The following FRMPD4 variants were observed in gnomAD, a reference collection of about 807,000 sequenced individuals.
FRMPD4 encodes FERM and PDZ domain-containing protein 4.
A neutral mutation model predicts 94.1 loss-of-function variants in FRMPD4; 22 were observed. The ratio of observed to expected loss-of-function variants is 0.23; its 90% CI spans 0.17 to 0.33. The LOEUF is 0.33. FRMPD4 is among the 10% of genes least tolerant of loss of function. The pLI is 1.00. For synonymous variants in FRMPD4, 631 were observed against 548.6 expected (o/e 1.15, Z -2.10); for missense variants, 1,111 against 1,339.9 (o/e 0.83, Z 2.67).
At chrX:12,030,214 C>T (rs1172080615) in intron 3 of FRMPD4, among the ~76,000 whole-genome samples, 2 of 111,944 alleles carry the variant, frequency 1.8e-5, no homozygotes, top group African/African-American at 6.5e-5. Flanking sequence ...CATCTCAAAG[C>T]AAAAGGTTTT....
At chrX:12,234,575 C>T (rs951678251) in intron 1 of FRMPD4, among the ~76,000 whole-genome samples, 16 of 111,728 alleles carry the variant, frequency 1.4e-4, no homozygotes, top group Non-Finnish European at 2.8e-4. Flanking sequence ...TTGGGTTTCT[C>T]CTACTGCACT....
At chrX:11,854,534 TGG>T (rs1377743272) in intron 1 of FRMPD4, among the ~76,000 whole-genome samples, 1 of 112,042 alleles carries the variant, frequency 8.9e-6, no homozygotes, top group Non-Finnish European at 1.9e-5. Context: ...CTAGATACAA[TGG>T]GGGTATAGGC....
At chrX:12,198,853 G>A (rs1466722016) in intron 1 of FRMPD4, among the ~76,000 whole-genome samples, 4 of 112,178 alleles carry the variant, frequency 3.6e-5, no homozygotes, top group Admixed American at 9.4e-5. Flanking sequence ...GAAAAAGAAC[G>A]TAGAAAGGAC....
chrX:12,574,975 T>C (rs1226033083), intron 2 of FRMPD4, among the ~76,000 whole-genome samples: 1 of 111,687 alleles, frequency 9.0e-6, no homozygotes, highest in Non-Finnish European at 1.9e-5. Context: ...AAGACTAGTC[T>C]CCCTTCCTGA....
intron 3 of FRMPD4, among the ~76,000 whole-genome samples, chrX:11,942,491 TA>T (rs1201882086): frequency 1.8e-5 from 2 of 111,651 alleles, no homozygotes; most frequent in Non-Finnish European, 3.8e-5. Flanking sequence ...CTAGTTGTAG[TA>T]AAATTAAGGG....
At chrX:12,603,250 C>T (rs368753183) in intron 2 of FRMPD4, among the ~76,000 whole-genome samples, 1 of 112,157 alleles carries the variant, frequency 8.9e-6, no homozygotes, top group South Asian at 3.8e-4. Context: ...CTTTAACCTC[C>T]GCACCAAAGG....
chrX:12,142,934 T>G (rs1009412446), intron 1 of FRMPD4, among the ~76,000 whole-genome samples: 4 of 112,317 alleles, frequency 3.6e-5, no homozygotes, highest in African/African-American at 1.3e-4. Context: ...TCCTTCCAGC[T>G]GTTCATTCTC....
chrX:12,239,799 A>C (rs2057108722), intron 1 of FRMPD4, among the ~76,000 whole-genome samples: 1 of 111,961 alleles, frequency 8.9e-6, no homozygotes, highest in Non-Finnish European at 1.9e-5. Context: ...CTCACAGATA[A>C]GCATCTTCTC....
At chrX:12,069,166 C>T (rs2054945527) in intron 3 of FRMPD4, among the ~76,000 whole-genome samples, 1 of 111,443 alleles carries the variant, frequency 9.0e-6, no homozygotes, top group Admixed American at 9.6e-5. Context: ...GATCCTTGAG[C>T]CAGGAGGATG....
chrX:12,632,907 G>A (rs994613822), intron 4 of FRMPD4, among the ~76,000 whole-genome samples: 2 of 112,327 alleles, frequency 1.8e-5, no homozygotes, highest in Non-Finnish European at 3.8e-5. Context: ...TTTTGCTAGC[G>A]TGTTTTTTCA....
intron 1 of FRMPD4, among the ~76,000 whole-genome samples, chrX:12,342,715 G>T (rs1274256645): frequency 1.8e-5 from 2 of 112,339 alleles, no homozygotes; most frequent in African/African-American, 6.5e-5. Context: ...AAGGAGTTAA[G>T]GGTCACTTTA....
Position 12,720,933 on chromosome X carries a change from G to T in FRMPD4, c.4364G>T (p.Ser1455Ile), listed in dbSNP as rs1256472715. The T allele has an allele frequency of 8.7e-6, 7 of 805,293 alleles. No individual in the cohort carries two copies. The highest frequency in any genetic ancestry group is 6.9e-5 in the Admixed American group (1 of 14,473). 66.4% of individuals were successfully genotyped at this position (805,293 alleles called of 1,213,427 possible). A position where few individuals can be genotyped will look rare whatever the true frequency, so the allele number is the denominator to read the frequency against. ...CCCCTGGGGAGGAAGCTCACCAAAAGTTTTTCCCAAAGCTCAATGCACTTG... is the reference window on the plus strand; with the variant it reads ...CCCCTGGGGAGGAAGCTCACCAAAATTTTTTCCCAAAGCTCAATGCACTTG... ...ELPLGRKLTK[S>I]FSQSSMHLSS... Residue 1455 changes from serine to isoleucine, a missense_variant, in exon 17 of 17, where the codon AGT becomes ATT. Around this residue, in one of 8 missense-constraint regions of FRMPD4, gnomAD observed 551 missense variants for 591.6 expected, o/e 0.93. Transcript: ENST00000675598.
At chrX:12,696,586 C>CAAAAAAAAAAAAAAAAAAAAGAAAA (rs2060134969) in intron 9 of FRMPD4, among the ~76,000 whole-genome samples, 1 of 30,055 alleles carries the variant, frequency 3.3e-5, no homozygotes, top group Non-Finnish European at 6.6e-5. Context: ...AAAAATGAAG[C>CAAAAAAAAAAAAAAAAAAAAGAAAA]AAAAAAAAAA....
intron 4 of FRMPD4, among the ~76,000 whole-genome samples, chrX:12,634,934 AG>A (rs2059429807): frequency 9.5e-6 from 1 of 105,060 alleles, no homozygotes; most frequent in South Asian, 4.4e-4. Context: ...CCAGGGCTCA[AG>A]CGATTCTTCT....
intron 10 of FRMPD4, among the ~76,000 whole-genome samples, chrX:12,702,895 C>A (rs946531388): frequency 1.2e-4 from 13 of 112,544 alleles, no homozygotes; most frequent in African/African-American, 3.9e-4. Flanking sequence ...ACTTGGCTCA[C>A]AAAGAGATCT....
At chrX:12,448,523 C>T (rs1157992751) in intron 1 of FRMPD4, among the ~76,000 whole-genome samples, 1 of 112,185 alleles carries the variant, frequency 8.9e-6, no homozygotes, top group African/African-American at 3.2e-5. Flanking sequence ...AATTTTATTA[C>T]TTCTGCCATT....
intron 1 of FRMPD4, among the ~76,000 whole-genome samples, chrX:12,244,442 T>A (rs1484200867): frequency 8.9e-6 from 1 of 111,909 alleles, no homozygotes; most frequent in Non-Finnish European, 1.9e-5. Context: ...AGAAGAAATG[T>A]TATTTTTTCC....
chrX:12,142,473 T>C (rs2055705129), intron 1 of FRMPD4, among the ~76,000 whole-genome samples: 1 of 111,343 alleles, frequency 9.0e-6, no homozygotes, highest in Non-Finnish European at 1.9e-5. Flanking sequence ...CTATTTTTAC[T>C]GAGTAATTGT....
intron 1 of FRMPD4, among the ~76,000 whole-genome samples, chrX:12,491,582 G>A (rs1185373822): frequency 8.9e-6 from 1 of 112,472 alleles, no homozygotes; most frequent in African/African-American, 3.2e-5. Context: ...ATCTGTGAAA[G>A]TGCCTAGAAC....
Sources: gnomAD v4.1 joint callset for allele counts (sites outside exome capture counted in the v4.1 genomes callset) on GRCh38, gnomAD v4.1.1 for gene constraint, gnomAD v4.1.1 regional missense constraint, MANE v1.5 for transcripts, NCBI Gene and HGNC (gene_info 2026-07-23, HGNC 2026-07-21) for gene names.